Variants in EPRS1 observed in about 807,000 individuals in gnomAD.
EPRS1 encodes bifunctional glutamate/proline--tRNA ligase.
Under a neutral mutation model 188.3 loss-of-function variants are expected in EPRS1, and 107 were observed. The observed-to-expected ratio is 0.57, with a 90% confidence interval of 0.49 to 0.67. The LOEUF is 0.67. Among genes scored for constraint, EPRS1 ranks in the 30% least tolerant of loss-of-function variants. The pLI, the probability that EPRS1 is intolerant of heterozygous loss-of-function variation, is 0.00. For missense variants in EPRS1, 1,577 were observed against 1,802.2 expected, an observed-to-expected ratio of 0.88 and a Z score of 2.26; for synonymous variants, 596 against 593.1, an observed-to-expected ratio of 1.00 and a Z score of -0.07.
intron 2 of EPRS1, among the ~76,000 whole-genome samples, chr1:220,038,950 A>C (rs1662242620): frequency 6.6e-6 from 1 of 152,146 alleles, no homozygotes; most frequent in Non-Finnish European, 1.5e-5. Flanking sequence ...ATTTGATGAG[A>C]TCCACAAGGA....
chr1:220,030,897 G>A (rs978228461), intron 5 of EPRS1, among the ~76,000 whole-genome samples: 1 of 152,238 alleles, frequency 6.6e-6, no homozygotes, highest in African/African-American at 2.4e-5. Context: ...TTTGAGACCA[G>A]ACTGGCTAAC....
At position 219,973,228 on chromosome 1, in the gene EPRS1, A is replaced by C; in HGVS notation, c.4244+10T>G. Reference sequence around the variant, plus strand: ...TGGAGAGAGAGACATAAGCAATTTTAAGAAACTACCTTGTGAAAAGGGTGA... The same window carrying C: ...TGGAGAGAGAGACATAAGCAATTTTCAGAAACTACCTTGTGAAAAGGGTGA... On this transcript the variant is annotated intron_variant, in intron 29 of 31. Transcript: ENST00000366923. 3 of 1,609,520 alleles carry C rather than the reference A, an allele frequency of 1.9e-6. No homozygotes were observed. Among genetic ancestry groups the C allele is most frequent in the Non-Finnish European group, 2.5e-6 (3 of 1,177,250 alleles).
chr1:219,989,771 T>C (rs899641024), intron 18 of EPRS1, among the ~76,000 whole-genome samples: 1 of 152,148 alleles, frequency 6.6e-6, no homozygotes, highest in Admixed American at 6.6e-5. Context: ...TCATACCAGG[T>C]ACCACACAAA....
intron 17 of EPRS1, among the ~76,000 whole-genome samples, chr1:219,997,568 T>A (rs1168930326): frequency 6.6e-6 from 1 of 152,166 alleles, no homozygotes; most frequent in Non-Finnish European, 1.5e-5. Flanking sequence ...GAAGCATTTT[T>A]ACTATAGTAA....
chr1:219,969,967 G>A (rs1874813), intron 30 of EPRS1, among the ~76,000 whole-genome samples: 69,930 of 151,864 alleles, frequency 0.46, 16,202 homozygotes, highest in South Asian at 0.52. Flanking sequence ...AATTACAGGC[G>A]TGTGCCACCA....
chr1:219,991,192 A>C (rs1459297254), intron 18 of EPRS1, among the ~76,000 whole-genome samples: 1 of 148,984 alleles, frequency 6.7e-6, no homozygotes, highest in Non-Finnish European at 1.5e-5. Context: ...CAGCCACTAG[A>C]TGGAAACATT....
intron 20 of EPRS1, among the ~76,000 whole-genome samples, chr1:219,985,366 G>A (rs1266968292): frequency 6.6e-6 from 1 of 152,100 alleles, no homozygotes; most frequent in African/African-American, 2.4e-5. Flanking sequence ...GTGTACTGAT[G>A]TGTGCATATT....
intron 17 of EPRS1, among the ~76,000 whole-genome samples, chr1:220,000,565 G>A (rs754685902): frequency 4.0e-5 from 6 of 151,732 alleles, no homozygotes; most frequent in South Asian, 2.1e-4. Flanking sequence ...AAAACTTTTC[G>A]TATGTTAACA....
At chr1:219,984,770 C>G (rs1660972429) in intron 20 of EPRS1, among the ~76,000 whole-genome samples, 1 of 152,032 alleles carries the variant, frequency 6.6e-6, no homozygotes, top group South Asian at 2.1e-4. Flanking sequence ...ATGCTGGGCA[C>G]AGTGGCTCAC....
At chr1:220,039,520 AT>A (rs11414713) in intron 2 of EPRS1, among the ~76,000 whole-genome samples, 65,569 of 138,398 alleles carry the variant, frequency 0.47, 14,614 homozygotes, top group Non-Finnish European at 0.54. Context: ...TTTAATGCTG[AT>A]TTTTTTTTTT....
chr1:219,997,897 ACT>A (rs1661267445), intron 17 of EPRS1, among the ~76,000 whole-genome samples: 1 of 152,148 alleles, frequency 6.6e-6, no homozygotes, highest in African/African-American at 2.4e-5. Flanking sequence ...GCTCCATCAA[ACT>A]CTGTGATATA....
intron 17 of EPRS1, 133 bp from the exon 18 acceptor site, chr1:219,997,475 G>T (rs1447417865): frequency 1.7e-5 from 13 of 752,172 alleles, no homozygotes; most frequent in Non-Finnish European, 2.2e-5. Flanking sequence ...CCCTTAAAAA[G>T]CTTAAATGAA....
intron 1 of EPRS1, among the ~76,000 whole-genome samples, chr1:220,044,904 T>C (rs1464749589): frequency 6.6e-6 from 1 of 152,176 alleles, no homozygotes; most frequent in Non-Finnish European, 1.5e-5. Flanking sequence ...GTCTTTGCTC[T>C]CAATCATGAA....
At chr1:220,005,480 G>T (rs1322377597) in intron 15 of EPRS1, 120 bp from the exon 16 acceptor site, 5 of 531,674 alleles carry the variant, frequency 9.4e-6, no homozygotes, top group African/African-American at 2.0e-5. Context: ...ATGTTAAAAA[G>T]TTCACTACTT....
In EPRS1 at chr1:220,021,858, TA is replaced by T. The variant is rs978346184; in HGVS notation, c.1115+488del. ...ATTTTTTATGATTTATTTTATAAAG[TA>T]GGGTTTTTTTTTTTGGAAAAGGTCC... On this transcript the variant is annotated intron_variant, in intron 9 of 31. Coordinates refer to ENST00000366923, the MANE Select transcript of EPRS1 (RefSeq NM_004446.3). 1.1e-4 allele frequency among the ~76,000 whole-genome samples: 5 copies of T among 46,562 alleles called. No homozygotes were observed. In the South Asian group the frequency reaches 2.7e-3, roughly 25 times the overall value. 30.5% of individuals were successfully genotyped at this position (46,562 alleles called of 152,430 possible).
intron 28 of EPRS1, among the ~76,000 whole-genome samples, chr1:219,978,023 C>G (rs2102561861): frequency 6.6e-6 from 1 of 152,180 alleles, no homozygotes; most frequent in South Asian, 2.1e-4. Context: ...TGACAATGTG[C>G]AATACATGAA....
chr1:219,995,999 C>T (rs2647431), intron 18 of EPRS1, among the ~76,000 whole-genome samples: 131,467 of 152,192 alleles, frequency 0.86, 57,213 homozygotes, highest in African/African-American at 0.97. Context: ...TCTACAATTT[C>T]TGGCAGCTCA....
intron 5 of EPRS1, among the ~76,000 whole-genome samples, chr1:220,031,914 T>C (rs1647670586): frequency 6.6e-6 from 1 of 152,204 alleles, no homozygotes; most frequent in Admixed American, 6.5e-5. Flanking sequence ...TATATAATTA[T>C]AAAGATTAGG....
intron 28 of EPRS1, among the ~76,000 whole-genome samples, chr1:219,976,079 T>G (rs886945638): frequency 6.6e-6 from 1 of 152,046 alleles, no homozygotes; most frequent in Non-Finnish European, 1.5e-5. Flanking sequence ...TAAAGAATGA[T>G]GGAGAATGCC....
Sources: allele counts gnomAD v4.1 joint callset (sites outside exome capture counted in the v4.1 genomes callset), GRCh38; gene constraint gnomAD v4.1.1; transcripts MANE v1.5; gene names NCBI Gene and HGNC (gene_info 2026-07-23, HGNC 2026-07-21).